The following DSTN variants were observed in gnomAD, a reference collection of about 807,000 sequenced individuals.
The protein encoded by DSTN is destrin, actin depolymerizing factor, also known as destrin.
DSTN carries 10 observed loss-of-function variants against 16.8 expected under a neutral mutation model. The observed-to-expected ratio is 0.60, with a 90% CI of 0.37 to 1.01. DSTN has a LOEUF of 1.01. DSTN is among the 50% of genes least tolerant of loss of function. The pLI is 0.01. For synonymous variants in DSTN, 57 were observed against 58.9 expected (o/e 0.97, Z 0.14); for missense variants, 141 against 196.7 (o/e 0.72, Z 1.69).
At chr20:17,604,688 C>T (rs1294669444) in intron 3 of DSTN, 57 bp downstream of exon 3, 2 of 1,509,734 alleles carry the variant, frequency 1.3e-6, no homozygotes, top group Non-Finnish European at 1.8e-6. Context: ...CAGAATGGGG[C>T]AGCACCTTTT....
chr20:17,584,951 T>C (rs1281793134), intron 1 of DSTN, among the ~76,000 whole-genome samples: 1 of 152,226 alleles, frequency 6.6e-6, no homozygotes, highest in African/African-American at 2.4e-5. Context: ...TTTGCAGTTC[T>C]CCTGTTTTTA....
chr20:17,586,136 A>AT (rs1362503914), intron 1 of DSTN, among the ~76,000 whole-genome samples: 4 of 152,046 alleles, frequency 2.6e-5, no homozygotes, highest in Non-Finnish European at 5.9e-5. Flanking sequence ...TATTAGAATG[A>AT]TTTTTTCCTC....
In DSTN at chr20:17,570,078, C is replaced by A; in HGVS notation, c.-131C>A. 2.2e-6 allele frequency: 3 copies of A among 1,392,182 alleles called. No individual in the cohort carries two copies. Among genetic ancestry groups the A allele is most frequent in the Non-Finnish European group, 2.8e-6 (3 of 1,054,482 alleles). 86.2% of individuals were successfully genotyped at this position (1,392,182 alleles called of 1,614,324 possible). On this transcript the variant is annotated 5_prime_UTR_variant, in exon 1 of 4. Transcript: ENST00000246069. ...CGTTCCGTCCTGAGGCGCGCCCGCC[C>A]CGGGGTAAGCTCGCGCCGCCGCGTC...
intron 1 of DSTN, among the ~76,000 whole-genome samples, chr20:17,574,025 C>A (rs2035238440): frequency 6.6e-6 from 1 of 151,892 alleles, no homozygotes; most frequent in Admixed American, 6.6e-5. Flanking sequence ...TATAGTGAGA[C>A]CTTGTCTGAA....
At chr20:17,591,132 A>T (rs1002193644) in intron 1 of DSTN, among the ~76,000 whole-genome samples, 1 of 152,196 alleles carries the variant, frequency 6.6e-6, no homozygotes, top group African/African-American at 2.4e-5. Context: ...AAAACCACGG[A>T]AATACTGAAA....
In DSTN at chr20:17,572,065, A is replaced by G. The variant is rs573946702; in HGVS notation, c.3+1854A>G. ...TAGAGAATATTGTGGGTATTATCCC[A>G]GAGTCTAGCACTTTGCTTTTAGCTC... is the stretch of plus-strand genomic sequence containing the variant. On this transcript the variant is annotated intron_variant, in intron 1 of 3. Coordinates refer to ENST00000246069, the MANE Select transcript of DSTN (RefSeq NM_006870.4). Among the ~76,000 whole-genome samples the G allele has an allele frequency of 7.9e-5, 12 of 152,344 alleles. No homozygotes were observed. The East Asian group carries it at 2.1e-3, about 27-fold the overall frequency.
At chr20:17,585,959 T>G (rs2035402910) in intron 1 of DSTN, among the ~76,000 whole-genome samples, 2 of 152,126 alleles carry the variant, frequency 1.3e-5, no homozygotes. Flanking sequence ...TATTATTTAT[T>G]TATGTATTTA....
In DSTN at chr20:17,608,778, A is replaced by G. The variant is rs2035669345; in HGVS notation, c.*1632A>G. 6.6e-6 allele frequency: 1 copy of G among 152,248 alleles called. No individual in the cohort carries two copies. The highest frequency in any genetic ancestry group is 2.1e-4 in the South Asian group (1 of 4,838). The allele number at this position is 152,248 out of a possible 1,614,324, so 9.4% of individuals were successfully genotyped here. A position where few individuals can be genotyped will look rare whatever the true frequency, so the allele number is the denominator to read the frequency against. ...AGAAAATAGAGAAAAGGGAAATTAT[A>G]CATTGTCCTACCACATGCCATCACA... On this transcript the variant is annotated 3_prime_UTR_variant, in exon 4 of 4. Coordinates refer to ENST00000246069, the MANE Select transcript of DSTN (RefSeq NM_006870.4).
Position 17,604,607 on chromosome 20 carries a change from G to A in DSTN, c.364G>A (p.Asp122Asn). The A allele has an allele frequency of 1.2e-6, 2 of 1,613,402 alleles. No individual in the cohort carries two copies. The highest frequency in any genetic ancestry group is 1.7e-6 in the Non-Finnish European group (2 of 1,179,842). Residue 122 changes from aspartate (D) to asparagine (N), a missense_variant, in exon 3 of 4, where the codon GAT becomes AAT. Coordinates refer to ENST00000246069, the MANE Select transcript of DSTN (RefSeq NM_006870.4). ...KSKMIYASSKDAIKKKFQGIK... is the reference protein window; with the variant it reads ...KSKMIYASSKNAIKKKFQGIK... ...TAAAATGATCTATGCAAGCTCCAAG[G>A]ATGCAATTAAAAAGAAATTTCAAGG...
intron 1 of DSTN, among the ~76,000 whole-genome samples, chr20:17,589,908 G>T (rs1453476802): frequency 6.6e-6 from 1 of 152,110 alleles, no homozygotes; most frequent in East Asian, 1.9e-4. Context: ...ATTTTCTGAG[G>T]TAGTTAAAAT....
chr20:17,570,432 G>A (rs1285088952), intron 1 of DSTN, among the ~76,000 whole-genome samples: 1 of 152,240 alleles, frequency 6.6e-6, no homozygotes, highest in Non-Finnish European at 1.5e-5. Context: ...CGCGGCTGTT[G>A]CGCAGCTCCC....
chr20:17,606,613 G>T (rs945784439), intron 3 of DSTN, among the ~76,000 whole-genome samples: 5 of 152,140 alleles, frequency 3.3e-5, no homozygotes, highest in African/African-American at 9.7e-5. Context: ...AGAATGTGTT[G>T]AATTTTTCAG....
chr20:17,589,198 C>T (rs2035444046), intron 1 of DSTN, among the ~76,000 whole-genome samples: 1 of 151,676 alleles, frequency 6.6e-6, no homozygotes, highest in Admixed American at 6.6e-5. Context: ...TATATTCAAC[C>T]CCTAACCCTC....
In DSTN at chr20:17,608,160, TGAACGATATAGA is replaced by T; in HGVS notation, c.*1017_*1028del. 6.6e-6 allele frequency: 1 copy of T among 152,232 alleles called. No individual in the cohort carries two copies. The highest frequency in any genetic ancestry group is 2.1e-4 in the South Asian group (1 of 4,826). 9.4% of individuals were successfully genotyped at this position (152,232 alleles called of 1,614,324 possible). ...TGTTAATATCACGGGCGTAACACTTTGAACGATATAGAGATGCACAAACAGTTGAACTTAGAA... is the reference window on the plus strand; with the variant it reads ...TGTTAATATCACGGGCGTAACACTTTGATGCACAAACAGTTGAACTTAGAA... On this transcript the variant is annotated 3_prime_UTR_variant, in exon 4 of 4. Coordinates refer to ENST00000246069, the MANE Select transcript of DSTN (RefSeq NM_006870.4).
chr20:17,572,475 T>C (rs1422100332), intron 1 of DSTN, among the ~76,000 whole-genome samples: 2 of 152,216 alleles, frequency 1.3e-5, no homozygotes, highest in East Asian at 3.8e-4. Context: ...GCCTAGCTCC[T>C]CTTGTAACCA....
intron 1 of DSTN, among the ~76,000 whole-genome samples, chr20:17,594,608 C>T (rs2035505741): frequency 6.6e-6 from 1 of 152,126 alleles, no homozygotes; most frequent in Non-Finnish European, 1.5e-5. Flanking sequence ...ATACAGCCAA[C>T]TCAGCTTGCC....
intron 1 of DSTN, among the ~76,000 whole-genome samples, chr20:17,581,309 C>T (rs182912877): frequency 2.6e-5 from 4 of 152,142 alleles, no homozygotes; most frequent in East Asian, 1.9e-4. Context: ...AGAGAGAACC[C>T]GTCTCTACCA....
Position 17,570,830 on chromosome 20 carries a change from G to A in DSTN, c.3+619G>A, listed in dbSNP as rs181859193. Reference sequence around the variant, plus strand: ...GTTTTTTTCTTTTTATCTGGCAATCGGCTTCCAGCAGCACTCTCGTCGTGC... The same window carrying A: ...GTTTTTTTCTTTTTATCTGGCAATCAGCTTCCAGCAGCACTCTCGTCGTGC... On this transcript the variant is annotated intron_variant, in intron 1 of 3. Transcript: ENST00000246069. Among the ~76,000 whole-genome samples, 46 of 152,238 alleles carry A rather than the reference G, an allele frequency of 3.0e-4. No individual in the cohort carries two copies. In the East Asian group the frequency reaches 8.1e-3, roughly 27 times the overall value.
At chr20:17,574,324 C>T (rs140391296) in intron 1 of DSTN, among the ~76,000 whole-genome samples, 120 of 152,274 alleles carry the variant, frequency 7.9e-4, no homozygotes, top group African/African-American at 2.8e-3. Context: ...GTTCAATACT[C>T]TCTGTTAATT....
Sources: allele counts gnomAD v4.1 joint callset (sites outside exome capture counted in the v4.1 genomes callset), GRCh38; gene constraint gnomAD v4.1.1; transcripts MANE v1.5; gene names NCBI Gene and HGNC (gene_info 2026-07-23, HGNC 2026-07-21).